Variants in USP15 observed in about 807,000 individuals in gnomAD.
The protein encoded by USP15 is ubiquitin carboxyl-terminal hydrolase 15.
In USP15, 18 loss-of-function variants were observed where a neutral mutation model predicts 127.1. That is an observed-to-expected ratio of 0.14 (90% CI 0.10 to 0.21). The LOEUF is 0.21. Ranked by LOEUF, USP15 falls within the 10% of genes least tolerant of loss-of-function variation. USP15 has a pLI of 1.00. For missense variants in USP15, 805 were observed against 1,159.9 expected, an observed-to-expected ratio of 0.69 and a Z score of 4.44; for synonymous variants, 364 against 393.7, an observed-to-expected ratio of 0.92 and a Z score of 0.89.
chr12:62,403,902 C>T (rs531587361), intron 21 of USP15, among the ~76,000 whole-genome samples: 28 of 152,066 alleles, frequency 1.8e-4, no homozygotes, highest in African/African-American at 5.3e-4. Context: ...TCTATTTTTA[C>T]GTTAGAATTG....
intron 8 of USP15, among the ~76,000 whole-genome samples, chr12:62,360,949 A>G (rs1261008398): frequency 6.6e-6 from 1 of 151,718 alleles, no homozygotes; most frequent in Non-Finnish European, 1.5e-5. Context: ...TCATCTATCC[A>G]TTTTGATAAA....
rs144578967 is a variant in USP15, at chr12:62,369,998, C to T, written c.916-11492C>T. Among the ~76,000 whole-genome samples the T allele has an allele frequency of 2.9e-3, 437 of 152,208 alleles. 1 individual carries two copies. The highest frequency in any genetic ancestry group is 9.7e-3 in the African/African-American group (404 of 41,534). On this transcript the variant is annotated intron_variant, in intron 8 of 21. Transcript: ENST00000280377. ...TTCTTTTTTGTTTGGTTTTTTGAGA[C>T]GGAGTCTCGCTGTATCACCAGGCTG...
chr12:62,341,374 T>C (rs904106960), intron 6 of USP15, among the ~76,000 whole-genome samples: 4 of 152,238 alleles, frequency 2.6e-5, no homozygotes, highest in African/African-American at 9.6e-5. Flanking sequence ...TTAGCCCATT[T>C]ATATTTAAGG....
chr12:62,322,031 GC>G (rs1256189100), intron 5 of USP15, among the ~76,000 whole-genome samples: 1 of 152,154 alleles, frequency 6.6e-6, no homozygotes, highest in Non-Finnish European at 1.5e-5. Flanking sequence ...AATGAGTATG[GC>G]TATGTTCTAA....
intron 3 of USP15, among the ~76,000 whole-genome samples, chr12:62,304,083 G>T (rs1444582995): frequency 6.6e-6 from 1 of 151,922 alleles, no homozygotes; most frequent in East Asian, 1.9e-4. Context: ...TAATCTTAAT[G>T]ATACACTTTT....
rs535704741 is a variant in USP15, at chr12:62,351,442, AT to A, written c.770+2137del. ...TGGCTCTCATACTTACTGTAAGAGA[AT>A]TCATTTACAGGTATTTACAGTCATT... On this transcript the variant is annotated intron_variant, in intron 7 of 21. Transcript: ENST00000280377. 2.6e-5 allele frequency among the ~76,000 whole-genome samples: 4 copies of A among 151,550 alleles called. No homozygotes were observed. In the South Asian group the frequency reaches 6.3e-4, roughly 24 times the overall value.
intron 3 of USP15, chr12:62,305,598 T>A (rs1321835758): frequency 6.6e-6 from 1 of 152,216 alleles, no homozygotes; most frequent in African/African-American, 2.4e-5. Flanking sequence ...GAAAACAGTG[T>A]AGACTGACAA....
At chr12:62,302,988 CAA>C in intron 3 of USP15, 68 bp downstream of exon 3, 1 of 1,514,512 alleles carries the variant, frequency 6.6e-7, no homozygotes, top group Non-Finnish European at 9.0e-7. Flanking sequence ...ATTATTAATT[CAA>C]TGAATTGTGA....
Position 62,319,200 on chromosome 12 carries a change from G to C in USP15, c.476-2264G>C, listed in dbSNP as rs531770985. 6.6e-5 allele frequency among the ~76,000 whole-genome samples: 10 copies of C among 152,232 alleles called. No homozygotes were observed. The East Asian group carries it at 1.9e-3, about 29-fold the overall frequency. ...TAGCAAGAGAGAGAGAGCAAAGGGG[G>C]AAGTGCTACACACTTTCAAACAACC... is the stretch of plus-strand genomic sequence containing the variant. On this transcript the variant is annotated intron_variant, in intron 4 of 21. Transcript: ENST00000280377.
Position 62,349,234 on chromosome 12 carries a change from TCCAATTTTTCAACTTTA to T in USP15, c.702_718del (p.Asn234LysfsTer10). ...ATATTTTTAAAGGTCCCCAGGTGCA[TCCAATTTTTCAACTTTA>T]CCAAAGATCTCTCCTTCATCTCTAT... On this transcript the variant is annotated frameshift_variant, in exon 7 of 22. Coordinates refer to ENST00000280377, the MANE Select transcript of USP15 (RefSeq NM_001252078.2). LOFTEE classifies it high-confidence loss of function. 6.7e-7 allele frequency: 1 copy of T among 1,501,972 alleles called. No individual in the cohort carries two copies. Among genetic ancestry groups the T allele is most frequent in the Non-Finnish European group, 8.9e-7 (1 of 1,129,194 alleles). The allele number at this position is 1,501,972 out of a possible 1,614,324, so 93.0% of individuals were successfully genotyped here.
chr12:62,392,948 C>G (rs2067370358), intron 18 of USP15, 105 bp from the exon 19 acceptor site: 1 of 1,260,842 alleles, frequency 7.9e-7, no homozygotes. Context: ...CTATAATTGC[C>G]CACTGAATAA....
chr12:62,356,463 C>T (rs2066134257), intron 8 of USP15, among the ~76,000 whole-genome samples: 1 of 151,896 alleles, frequency 6.6e-6, no homozygotes, highest in South Asian at 2.1e-4. Flanking sequence ...CCTAAATTAA[C>T]CATTGCCTTT....
At chr12:62,289,014 A>G (rs768482477) in intron 1 of USP15, among the ~76,000 whole-genome samples, 4 of 152,154 alleles carry the variant, frequency 2.6e-5, no homozygotes, top group Non-Finnish European at 5.9e-5. Flanking sequence ...GGAATTTTGC[A>G]TCTATATTCA....
chr12:62,314,462 A>C (rs186874524), intron 3 of USP15, among the ~76,000 whole-genome samples: 1 of 152,008 alleles, frequency 6.6e-6, no homozygotes, highest in East Asian at 1.9e-4. Context: ...ATTTTGGGTA[A>C]TCTTTCTCAT....
chr12:62,384,446 G>C, intron 11 of USP15, 144 bp downstream of exon 11: 1 of 704,072 alleles, frequency 1.4e-6, no homozygotes, highest in Non-Finnish European at 2.2e-6. Flanking sequence ...TTGTATAAGA[G>C]ATTTTATAAG....
chr12:62,265,133 A>G (rs932973402), intron 1 of USP15, among the ~76,000 whole-genome samples: 2 of 152,190 alleles, frequency 1.3e-5, no homozygotes, highest in East Asian at 1.9e-4. Flanking sequence ...AGAGCTAGTC[A>G]ATGATTTCGT....
intron 2 of USP15, among the ~76,000 whole-genome samples, chr12:62,296,041 G>T (rs2064118558): frequency 6.6e-6 from 1 of 152,216 alleles, no homozygotes; most frequent in African/African-American, 2.4e-5. Flanking sequence ...ATGAAAGAGG[G>T]TCAATATGTC....
rs963396881 is a variant in USP15, at chr12:62,335,470, A to G, written c.683+9537A>G. On this transcript the variant is annotated intron_variant, in intron 6 of 21. Coordinates refer to ENST00000280377, the MANE Select transcript of USP15 (RefSeq NM_001252078.2). ...TCTGATCACCTTACTATTTAAGGAC[A>G]GTCCCTCTACTCTACCTGTAGTATT... The G allele has an allele frequency of 3.1e-6, 4 of 1,299,882 alleles. No homozygotes were observed. The East Asian group carries it at 1.3e-4, about 41-fold the overall frequency. 80.5% of individuals were successfully genotyped at this position (1,299,882 alleles called of 1,614,324 possible).
At chr12:62,401,943 T>C (rs564190547) in intron 21 of USP15, among the ~76,000 whole-genome samples, 2 of 150,246 alleles carry the variant, frequency 1.3e-5, no homozygotes, top group South Asian at 2.1e-4. Flanking sequence ...TATACTGTTA[T>C]TTCTCTCCCT....
Sources: allele counts gnomAD v4.1 joint callset (sites outside exome capture counted in the v4.1 genomes callset), GRCh38; gene constraint gnomAD v4.1.1; transcripts MANE v1.5; gene names NCBI Gene and HGNC (gene_info 2026-07-23, HGNC 2026-07-21).